Variants in SHB observed in about 807,000 individuals in gnomAD.
The protein encoded by SHB is SH2 domain-containing adapter protein B.
SHB carries 20 observed loss-of-function variants against 52.3 expected under a neutral mutation model. The ratio of observed to expected loss-of-function variants is 0.38; its 90% confidence interval spans 0.27 to 0.56. The LOEUF is 0.56. Among genes scored for constraint, SHB ranks in the 20% least tolerant of loss-of-function variants. SHB has a pLI of 0.71. For synonymous variants in SHB, 397 were observed against 316.5 expected, an observed-to-expected ratio of 1.25 and a Z score of -2.70; for missense variants, 825 against 723.3, an observed-to-expected ratio of 1.14 and a Z score of -1.61.
rs181093538 is a variant in SHB, at chr9:38,022,591, C to T, written c.718-6460G>A. ...AGCACAAGTGCCTCTGTCCCCGCTC[C>T]GAGGCCTGAAGTCCCAGTCCTCCTT... On this transcript the variant is annotated intron_variant, in intron 1 of 5. Coordinates refer to ENST00000377707, the MANE Select transcript of SHB (RefSeq NM_003028.3). Among the ~76,000 whole-genome samples the T allele has an allele frequency of 5.8e-4, 88 of 152,258 alleles. 1 individual carries two copies. The highest frequency in any genetic ancestry group is 9.8e-4 in the Admixed American group (15 of 15,302).
intron 2 of SHB, among the ~76,000 whole-genome samples, chr9:37,989,705 C>T (rs1820858232): frequency 6.6e-6 from 1 of 152,178 alleles, no homozygotes; most frequent in Non-Finnish European, 1.5e-5. Flanking sequence ...ACCCTGATGG[C>T]CTTTCCAACT....
intron 2 of SHB, among the ~76,000 whole-genome samples, chr9:37,999,816 G>C (rs1186333404): frequency 6.6e-6 from 1 of 152,224 alleles, no homozygotes; most frequent in Non-Finnish European, 1.5e-5. Context: ...TTCAGAGATG[G>C]AGAAACTGAG....
intron 1 of SHB, among the ~76,000 whole-genome samples, chr9:38,065,315 G>C (rs1300697507): frequency 6.6e-6 from 1 of 152,226 alleles, no homozygotes; most frequent in Non-Finnish European, 1.5e-5. Context: ...ACAGATGGCA[G>C]AAACAAGGGC....
intron 1 of SHB, among the ~76,000 whole-genome samples, chr9:38,060,006 G>A (rs943170299): frequency 2.0e-5 from 3 of 152,106 alleles, no homozygotes; most frequent in Non-Finnish European, 4.4e-5. Context: ...GCCAACAGAG[G>A]GGACATTTTA....
At chr9:37,959,198 C>T (rs954023440) in intron 3 of SHB, among the ~76,000 whole-genome samples, 4 of 152,192 alleles carry the variant, frequency 2.6e-5, no homozygotes, top group East Asian at 1.9e-4. Flanking sequence ...GGAGTGAGTC[C>T]GGGATAACTG....
intron 1 of SHB, among the ~76,000 whole-genome samples, chr9:38,038,775 G>C (rs139760025): frequency 5.1e-4 from 78 of 152,262 alleles, no homozygotes; most frequent in African/African-American, 1.8e-3. Flanking sequence ...GGGCATCTAG[G>C]AGGCCCCGGG....
intron 5 of SHB, among the ~76,000 whole-genome samples, chr9:37,939,421 G>A (rs1832412156): frequency 1.3e-5 from 2 of 152,234 alleles, no homozygotes; most frequent in Admixed American, 1.3e-4. Flanking sequence ...GGAGCAATGA[G>A]TTGCGCTTTC....
intron 5 of SHB, among the ~76,000 whole-genome samples, chr9:37,921,054 C>T (rs891674765): frequency 1.3e-5 from 2 of 152,192 alleles, no homozygotes; most frequent in African/African-American, 4.8e-5. Context: ...CTGGATCCCT[C>T]ACCCCTCCAC....
intron 1 of SHB, among the ~76,000 whole-genome samples, chr9:38,054,856 T>A (rs1821795346): frequency 6.6e-6 from 1 of 152,206 alleles, no homozygotes; most frequent in Non-Finnish European, 1.5e-5. Context: ...CAACCCCAGC[T>A]GTGCAAAGGT....
At chr9:37,940,114 T>G (rs1184245310) in intron 5 of SHB, among the ~76,000 whole-genome samples, 2 of 152,198 alleles carry the variant, frequency 1.3e-5, no homozygotes, top group African/African-American at 4.8e-5. Flanking sequence ...AGCTAGGATT[T>G]GAACCCAGGT....
intron 3 of SHB, among the ~76,000 whole-genome samples, chr9:37,956,536 G>A (rs772858250): frequency 1.3e-5 from 2 of 152,200 alleles, no homozygotes; most frequent in Non-Finnish European, 2.9e-5. Flanking sequence ...CCACTTAGGG[G>A]TCATGCTACA....
chr9:38,046,790 C>T (rs1182192289), intron 1 of SHB, among the ~76,000 whole-genome samples: 6 of 152,220 alleles, frequency 3.9e-5, no homozygotes, highest in Admixed American at 2.0e-4. Context: ...GTTTGGGCCT[C>T]GGCCTGACAG....
intron 5 of SHB, among the ~76,000 whole-genome samples, chr9:37,921,186 C>T (rs1832175625): frequency 6.6e-6 from 1 of 152,190 alleles, no homozygotes; most frequent in African/African-American, 2.4e-5. Context: ...GGGTGTCTGT[C>T]CCTTAGGTAG....
chr9:37,976,784 C>T (rs1010578955), intron 2 of SHB, among the ~76,000 whole-genome samples: 1 of 152,024 alleles, frequency 6.6e-6, no homozygotes, highest in Non-Finnish European at 1.5e-5. Context: ...GAGGTCTTCC[C>T]GAAATCAGAA....
At chr9:38,027,398 T>C (rs915713193) in intron 1 of SHB, among the ~76,000 whole-genome samples, 2 of 152,150 alleles carry the variant, frequency 1.3e-5, no homozygotes, top group African/African-American at 4.8e-5. Flanking sequence ...TATGCTGGCA[T>C]AGGCAAGGGC....
chr9:37,963,375 T>C (rs1031982203), intron 3 of SHB, among the ~76,000 whole-genome samples: 1 of 152,206 alleles, frequency 6.6e-6, no homozygotes, highest in African/African-American at 2.4e-5. Flanking sequence ...GCACCGTGTG[T>C]AGACTGCTTG....
At chr9:37,923,911 C>T (rs1336044137) in intron 5 of SHB, among the ~76,000 whole-genome samples, 2 of 152,208 alleles carry the variant, frequency 1.3e-5, no homozygotes, top group Non-Finnish European at 2.9e-5. Context: ...CCAGCTGAGC[C>T]GGGCTCCGAG....
In SHB at chr9:37,919,833, C is replaced by T; in HGVS notation, c.1518G>A (p.Val506=). The change falls in exon 6 of 6, where the codon GTG becomes GTA. Residue 506 remains valine (V), a synonymous_variant. Coordinates refer to ENST00000377707, the MANE Select transcript of SHB (RefSeq NM_003028.3). ...EHLSLLYPVA[V]RTL is the part of the protein sequence containing the mutation. ...AGGTCTGGTCCGCTCACAGGGTCCT[C>T]ACAGCCACGGGATAGAGGAGGGACA... is the stretch of plus-strand genomic sequence containing the variant. The T allele has an allele frequency of 1.2e-6, 2 of 1,613,610 alleles. No homozygotes were observed. The highest frequency in any genetic ancestry group is 1.7e-6 in the Non-Finnish European group (2 of 1,179,966).
At chr9:37,943,733 T>C (rs931073312) in intron 5 of SHB, among the ~76,000 whole-genome samples, 5 of 152,176 alleles carry the variant, frequency 3.3e-5, no homozygotes. Flanking sequence ...GGGCAGAGCC[T>C]GCCCAGCAGA....
Sources: gnomAD v4.1 joint callset for allele counts (sites outside exome capture counted in the v4.1 genomes callset) on GRCh38, gnomAD v4.1.1 for gene constraint, MANE v1.5 for transcripts, NCBI Gene and HGNC (gene_info 2026-07-23, HGNC 2026-07-21) for gene names.